The following HOPX variants were observed in gnomAD, a reference collection of about 807,000 sequenced individuals.
The protein encoded by HOPX is homeodomain-only protein.
HOPX carries 5 observed loss-of-function variants against 11.8 expected under a neutral mutation model. The observed-to-expected ratio is 0.43, with a 90% CI of 0.22 to 0.89. The LOEUF (loss-of-function observed/expected upper bound fraction) is 0.89, where lower values mean the gene tolerates loss of function less well. Ranked by LOEUF, HOPX falls within the 40% of genes least tolerant of loss-of-function variation. The pLI is 0.28. For synonymous variants in HOPX, 49 were observed against 49.7 expected, an observed-to-expected ratio of 0.99 and a Z score of 0.06; for missense variants, 119 against 120.0, an observed-to-expected ratio of 0.99 and a Z score of 0.04.
intron 1 of HOPX, among the ~76,000 whole-genome samples, chr4:56,667,924 T>G (rs1199697467): frequency 6.6e-6 from 1 of 152,198 alleles, no homozygotes; most frequent in Non-Finnish European, 1.5e-5. Context: ...GTTGTACTGG[T>G]GTAATTATTA....
At chr4:56,653,956 T>C (rs1489548459) in intron 3 of HOPX, among the ~76,000 whole-genome samples, 1 of 152,196 alleles carries the variant, frequency 6.6e-6, no homozygotes, top group Non-Finnish European at 1.5e-5. Flanking sequence ...AAAGGTTGAA[T>C]ATAGCCTGGG....
chr4:56,671,734 G>A (rs1049866278), intron 1 of HOPX, among the ~76,000 whole-genome samples: 1 of 152,034 alleles, frequency 6.6e-6, no homozygotes, highest in Non-Finnish European at 1.5e-5. Flanking sequence ...CCAGCTCAGG[G>A]GACAGCTTTG....
chr4:56,651,649 G>C lies in HOPX; in HGVS notation c.199-2852C>G, dbSNP rs528511833. 2.0e-5 allele frequency among the ~76,000 whole-genome samples: 3 copies of C among 152,252 alleles called. No homozygotes were observed. In the South Asian group the frequency reaches 6.2e-4, roughly 32 times the overall value. On this transcript the variant is annotated intron_variant, in intron 3 of 3. Transcript: ENST00000420433. ...GCTGGGGCAAAGGAACATTGTTCCT[G>C]TCCTTTTCTCTAGTAACTAACATTT...
At position 56,670,904 on chromosome 4, in the gene HOPX, G is replaced by C. The variant is rs558173673; in HGVS notation, c.-84+10351C>G. Among the ~76,000 whole-genome samples, 283 of 151,566 alleles carry C rather than the reference G, an allele frequency of 1.9e-3. 4 individuals are homozygous for C. Among genetic ancestry groups the C allele is most frequent in the African/African-American group, 6.6e-3 (272 of 40,988 alleles). ...CTCAGCTACTCGGGAGGCTGAGGTA[G>C]GAGAATCGCTTGAACCCGGGAGGCG... On this transcript the variant is annotated intron_variant, in intron 1 of 3. Coordinates refer to ENST00000420433, the MANE Select transcript of HOPX (RefSeq NM_032495.6).
chr4:56,672,429 C>T (rs1718787186), intron 1 of HOPX, among the ~76,000 whole-genome samples: 4 of 151,664 alleles, frequency 2.6e-5, no homozygotes, highest in Admixed American at 1.3e-4. Context: ...ATCCCAGCTG[C>T]TCTGGATGCT....
chr4:56,656,064 A>C, intron 2 of HOPX, 52 bp from the exon 3 acceptor site: 1 of 1,458,380 alleles, frequency 6.9e-7, no homozygotes, highest in Non-Finnish European at 9.1e-7. Context: ...AGCGGGCGGG[A>C]CGCAGCGAAG....
At chr4:56,674,305 C>G (rs1437414750) in intron 1 of HOPX, among the ~76,000 whole-genome samples, 5 of 151,722 alleles carry the variant, frequency 3.3e-5, no homozygotes. Flanking sequence ...AGATTTCACT[C>G]CTGGCACCAG....
At chr4:56,676,573 AACAGGAAAAAGC>A (rs920965230) in intron 1 of HOPX, 1 of 151,304 alleles carries the variant, frequency 6.6e-6, no homozygotes, top group African/African-American at 2.5e-5. Flanking sequence ...AACTCTGAAT[AACAGGAAAAAGC>A]ACAGGAAAAA....
chr4:56,678,516 G>A (rs139173366), intron 1 of HOPX, among the ~76,000 whole-genome samples: 2,684 of 138,594 alleles, frequency 0.019, 144 homozygotes, highest in African/African-American at 0.07. Flanking sequence ...CACGATCTCC[G>A]CTCACTGCAA....
chr4:56,678,105 G>T (rs754593167), intron 1 of HOPX, among the ~76,000 whole-genome samples: 1 of 151,618 alleles, frequency 6.6e-6, no homozygotes, highest in Non-Finnish European at 1.5e-5. Flanking sequence ...GGGTTCCAAG[G>T]ATTCGCTTGG....
chr4:56,655,565 G>T (rs1196392687), intron 3 of HOPX, among the ~76,000 whole-genome samples: 6 of 147,904 alleles, frequency 4.1e-5, no homozygotes, highest in African/African-American at 1.5e-4. Context: ...ATCCCGGGCT[G>T]CCGGGGAGAG....
Position 56,648,394 on chromosome 4 carries a change from G to A in HOPX, c.*326C>T, listed in dbSNP as rs1016438626. ...CTGGATTGCTAAATGGATTATGAAA[G>A]CAAATTGCTACTGGGAGGTGATGGT... On this transcript the variant is annotated 3_prime_UTR_variant, in exon 4 of 4. Transcript: ENST00000420433. 3.4e-5 allele frequency: 8 copies of A among 235,518 alleles called. No individual in the cohort carries two copies. In the South Asian group the frequency reaches 1.2e-3, roughly 36 times the overall value. 14.6% of individuals were successfully genotyped at this position (235,518 alleles called of 1,614,324 possible). A position where few individuals can be genotyped will look rare whatever the true frequency, so the allele number is the denominator to read the frequency against.
In HOPX at chr4:56,648,727, G is replaced by A. The variant is rs17851122; in HGVS notation, c.269C>T (p.Thr90Ile). The part of the protein sequence containing the change: ...EGLPSECRSV[T>I]D ...TCAATGCCTGCCATCTCCTTAGTCTGTGACGGATCTGCACTCTGAGGGCAG... is the reference window on the plus strand; with the variant it reads ...TCAATGCCTGCCATCTCCTTAGTCTATGACGGATCTGCACTCTGAGGGCAG... Residue 90 changes from threonine (T) to isoleucine (I), a missense_variant, in exon 4 of 4, where the codon ACA becomes ATA. Thr to Ile is a moderately conservative substitution (Grantham distance 89). Transcript: ENST00000420433. 1 of 1,607,420 alleles carries A rather than the reference G, an allele frequency of 6.2e-7. No homozygotes were observed. The highest frequency in any genetic ancestry group is 8.5e-7 in the Non-Finnish European group (1 of 1,174,366).
Position 56,657,726 on chromosome 4 carries a change from C to T in HOPX, c.42+49G>A, listed in dbSNP as rs60385558. ...TCTTCTTCTGTGTGCACCCATTGCC[C>T]GTACCTTTGACACACAACTTCAGAG... On this transcript the variant is annotated intron_variant, in intron 2 of 3. Transcript: ENST00000420433. The T allele has an allele frequency of 4.9e-4, 392 of 799,392 alleles. 3 individuals are homozygous for T. In the African/African-American group the frequency reaches 5.4e-3, roughly 11 times the overall value. 49.5% of individuals were successfully genotyped at this position (799,392 alleles called of 1,614,324 possible).
chr4:56,668,566 G>C (rs1381292017), intron 1 of HOPX, among the ~76,000 whole-genome samples: 1 of 152,156 alleles, frequency 6.6e-6, no homozygotes, highest in African/African-American at 2.4e-5. Context: ...AGTTTTTTTA[G>C]AGATGGGGCC....
At chr4:56,662,482 T>TC (rs1380981817) in intron 1 of HOPX, 1 of 95,338 alleles carries the variant, frequency 1.0e-5, no homozygotes, top group African/African-American at 4.8e-5. Flanking sequence ...TCTTTCTTTC[T>TC]TCTTTTTTTT....
At chr4:56,680,144 G>T (rs1160710333) in intron 1 of HOPX, 1 of 152,110 alleles carries the variant, frequency 6.6e-6, no homozygotes, top group African/African-American at 2.4e-5. Context: ...ATAATAATAA[G>T]CATATGAGCT....
chr4:56,658,039 G>T (rs1266848083), intron 1 of HOPX, 140 bp from the exon 2 acceptor site: 2 of 614,922 alleles, frequency 3.3e-6, no homozygotes, highest in Non-Finnish European at 5.3e-6. Context: ...TGCTTGCTTC[G>T]CTTGAAAGAA....
chr4:56,661,434 A>C (rs541163562), intron 1 of HOPX, among the ~76,000 whole-genome samples: 5 of 152,278 alleles, frequency 3.3e-5, no homozygotes, highest in Admixed American at 1.3e-4. Context: ...TGCCTTCTGC[A>C]GCCTCTCTAT....
Sources: allele counts gnomAD v4.1 joint callset (sites outside exome capture counted in the v4.1 genomes callset), GRCh38; gene constraint gnomAD v4.1.1; transcripts MANE v1.5; gene names NCBI Gene and HGNC (gene_info 2026-07-23, HGNC 2026-07-21).